The following SIPA1L1 variants were observed in gnomAD, a reference collection of about 807,000 sequenced individuals.
The protein encoded by SIPA1L1 is signal induced proliferation associated 1 like 1.
A neutral mutation model predicts 162.7 loss-of-function variants in SIPA1L1; 26 were observed. The ratio of observed to expected loss-of-function variants is 0.16; its 90% CI spans 0.12 to 0.22. SIPA1L1 has a LOEUF of 0.22. Among genes scored for constraint, SIPA1L1 ranks in the 10% least tolerant of loss-of-function variants. SIPA1L1 has a pLI of 1.00. For missense variants in SIPA1L1, 1,874 were observed against 2,241.0 expected (o/e 0.84, Z 3.31); for synonymous variants, 829 against 837.4 (o/e 0.99, Z 0.17).
intron 5 of SIPA1L1, among the ~76,000 whole-genome samples, chr14:71,602,570 T>G (rs1450918083): frequency 6.6e-6 from 1 of 152,264 alleles, no homozygotes; most frequent in Non-Finnish European, 1.5e-5. Context: ...ATGTCTGTTA[T>G]ATCCATTTGG....
intron 13 of SIPA1L1, among the ~76,000 whole-genome samples, chr14:71,697,790 A>G (rs1002300207): frequency 6.6e-6 from 1 of 152,242 alleles, no homozygotes; most frequent in Non-Finnish European, 1.5e-5. Flanking sequence ...CTCAGAAGAT[A>G]AATAGGTTCA....
intron 4 of SIPA1L1, among the ~76,000 whole-genome samples, chr14:71,542,416 T>A (rs1044202572): frequency 1.3e-5 from 2 of 148,608 alleles, no homozygotes; most frequent in African/African-American, 5.0e-5. Context: ...TGCTTCTGCT[T>A]CTTCTTCCTG....
chr14:71,663,841 T>A (rs1465135698), intron 10 of SIPA1L1, among the ~76,000 whole-genome samples: 1 of 152,238 alleles, frequency 6.6e-6, no homozygotes. Context: ...CAGGCTTGTT[T>A]GAAGGCCCAA....
At chr14:71,720,670 G>T (rs954921316) in intron 17 of SIPA1L1, among the ~76,000 whole-genome samples, 1 of 151,820 alleles carries the variant, frequency 6.6e-6, no homozygotes, top group African/African-American at 2.4e-5. Flanking sequence ...GTATTTTCAT[G>T]TAGCCTGTCT....
At chr14:71,561,726 T>G (rs1002556593) in intron 4 of SIPA1L1, among the ~76,000 whole-genome samples, 2 of 152,222 alleles carry the variant, frequency 1.3e-5, no homozygotes, top group Non-Finnish European at 1.5e-5. Context: ...TAGCTGGGAT[T>G]ACAGGCATGT....
At chr14:71,442,198 A>G (rs2044937929) in intron 2 of SIPA1L1, among the ~76,000 whole-genome samples, 1 of 150,248 alleles carries the variant, frequency 6.7e-6, no homozygotes, top group African/African-American at 2.5e-5. Context: ...AAAAAAAAAA[A>G]AGAAGTAACT....
chr14:71,628,850 G>C (rs146996827), intron 7 of SIPA1L1, among the ~76,000 whole-genome samples: 3 of 152,156 alleles, frequency 2.0e-5, no homozygotes, highest in Non-Finnish European at 2.9e-5. Flanking sequence ...AACGAGACTC[G>C]GAAGGACAGA....
chr14:71,333,029 C>A (rs913962450), intron 2 of SIPA1L1, among the ~76,000 whole-genome samples: 1 of 152,184 alleles, frequency 6.6e-6, no homozygotes, highest in African/African-American at 2.4e-5. Flanking sequence ...AGTGTTAGTT[C>A]ATTCTGAGCT....
At chr14:71,733,863 A>G in intron 21 of SIPA1L1, 51 bp downstream of exon 21, 1 of 1,575,356 alleles carries the variant, frequency 6.3e-7, no homozygotes, top group South Asian at 1.2e-5. Flanking sequence ...CAGCGGAGTG[A>G]GCAGTCTCCA....
chr14:71,450,498 A>G (rs1361996423), intron 2 of SIPA1L1, among the ~76,000 whole-genome samples: 2 of 152,200 alleles, frequency 1.3e-5, no homozygotes, highest in Non-Finnish European at 2.9e-5. Context: ...AGACATCTTG[A>G]CTATTGTTGA....
intron 12 of SIPA1L1, among the ~76,000 whole-genome samples, chr14:71,673,717 GA>G (rs1447381243): frequency 6.6e-6 from 1 of 152,150 alleles, no homozygotes; most frequent in African/African-American, 2.4e-5. Flanking sequence ...TCCTTTGTCT[GA>G]TAGTTTGAAG....
At chr14:71,351,686 A>C (rs1246432980) in intron 2 of SIPA1L1, among the ~76,000 whole-genome samples, 1 of 152,242 alleles carries the variant, frequency 6.6e-6, no homozygotes, top group Non-Finnish European at 1.5e-5. Context: ...CATGTTGAGA[A>C]GCGTTATTCA....
intron 9 of SIPA1L1, among the ~76,000 whole-genome samples, chr14:71,659,573 G>A (rs933740127): frequency 1.3e-5 from 2 of 152,012 alleles, no homozygotes; most frequent in Non-Finnish European, 2.9e-5. Context: ...GCTAAGAAAG[G>A]CATAATAAAC....
intron 2 of SIPA1L1, among the ~76,000 whole-genome samples, chr14:71,490,549 G>A (rs2049159424): frequency 1.3e-5 from 2 of 152,120 alleles, no homozygotes; most frequent in Non-Finnish European, 2.9e-5. Flanking sequence ...ATAAGAGGAT[G>A]TATTGTCCAT....
intron 2 of SIPA1L1, among the ~76,000 whole-genome samples, chr14:71,359,857 C>T (rs1209757952): frequency 1.3e-5 from 2 of 152,082 alleles, no homozygotes; most frequent in African/African-American, 2.4e-5. Context: ...ATCTTAAAAT[C>T]GAGAGTACTA....
At chr14:71,558,087 T>C (rs138108610) in intron 4 of SIPA1L1, among the ~76,000 whole-genome samples, 209 of 152,320 alleles carry the variant, frequency 1.4e-3, no homozygotes, top group Non-Finnish European at 2.5e-3. Context: ...AGCCTAAGTA[T>C]GTAGTGATAC....
At chr14:71,720,989 G>A (rs1221759229) in intron 17 of SIPA1L1, among the ~76,000 whole-genome samples, 1 of 152,176 alleles carries the variant, frequency 6.6e-6, no homozygotes, top group Non-Finnish European at 1.5e-5. Flanking sequence ...CTTCCTGGAT[G>A]TTCTTGATGC....
chr14:71,654,350 T>TACAATAAAC (rs1480794171), intron 8 of SIPA1L1, among the ~76,000 whole-genome samples: 2 of 152,180 alleles, frequency 1.3e-5, no homozygotes, highest in Non-Finnish European at 2.9e-5. Context: ...CTACAATAAA[T>TACAATAAAC]ACAATAAACT....
In SIPA1L1 at chr14:71,685,648, A is replaced by G. The variant is rs568910225; in HGVS notation, c.3374+17A>G. The stretch of plus-strand genomic sequence containing the variant: ...AGAGAGGCGGTAAGTGTGCCTTCAA[A>G]GGTTTGCTCTATCTCTCTCTGCCCC... On this transcript the variant is annotated intron_variant, in intron 13 of 23. Coordinates refer to ENST00000381232, the MANE Select transcript of SIPA1L1 (RefSeq NM_001386936.1). The G allele has an allele frequency of 1.2e-6, 2 of 1,612,980 alleles. No individual in the cohort carries two copies. The highest frequency in any genetic ancestry group is 2.7e-5 in the African/African-American group (2 of 75,006).
Sources: gnomAD v4.1 joint callset for allele counts (sites outside exome capture counted in the v4.1 genomes callset) on GRCh38, gnomAD v4.1.1 for gene constraint, MANE v1.5 for transcripts, NCBI Gene and HGNC (gene_info 2026-07-23, HGNC 2026-07-21) for gene names.